The following KIF13B variants were observed in gnomAD, a reference collection of about 807,000 sequenced individuals.
KIF13B encodes kinesin-like protein KIF13B.
A neutral mutation model predicts 222.0 loss-of-function variants in KIF13B; 127 were observed. The ratio of observed to expected loss-of-function variants is 0.57; its 90% CI spans 0.50 to 0.66. The LOEUF (loss-of-function observed/expected upper bound fraction) is 0.66. Ranked by LOEUF, KIF13B falls within the 30% of genes least tolerant of loss-of-function variation. The probability of loss-of-function intolerance (pLI) is 0.00; values close to 1 mark genes in which losing one functional copy is unlikely to be tolerated. For synonymous variants in KIF13B, 976 were observed against 919.0 expected, an observed-to-expected ratio of 1.06 and a Z score of -1.12; for missense variants, 2,173 against 2,379.0, an observed-to-expected ratio of 0.91 and a Z score of 1.80.
chr8:29,100,815 T>C (rs550321740), intron 35 of KIF13B, among the ~76,000 whole-genome samples: 1 of 152,288 alleles, frequency 6.6e-6, no homozygotes, highest in South Asian at 2.1e-4. Context: ...CTCTTGAAGA[T>C]GGATTGTGGA....
At chr8:29,125,250 A>G (rs1586812192) in intron 26 of KIF13B, among the ~76,000 whole-genome samples, 1 of 152,156 alleles carries the variant, frequency 6.6e-6, no homozygotes, top group South Asian at 2.1e-4. Context: ...CATCAACAGA[A>G]TAACAACCTA....
intron 37 of KIF13B, among the ~76,000 whole-genome samples, chr8:29,085,402 A>C (rs1195229631): frequency 6.6e-6 from 1 of 152,238 alleles, no homozygotes; most frequent in African/African-American, 2.4e-5. Flanking sequence ...AACATAACAA[A>C]ATATAAGGAA....
At position 29,070,525 on chromosome 8, in the gene KIF13B, G is replaced by A; in HGVS notation, c.5460C>T (p.Asn1820=). Residue 1820 remains asparagine, a synonymous_variant, in exon 40 of 40, where the codon AAC becomes AAT. Coordinates refer to ENST00000524189, the MANE Select transcript of KIF13B (RefSeq NM_015254.4). This position sits in a 1 kb window ranked among gnomAD's most constrained non-coding sequence, Gnocchi z 4.1. The part of the protein sequence containing the change: ...KADRSHKNPE[N]RKSWAS ...CGGCTCAGCTGGCCCAGGATTTCCG[G>A]TTCTCAGGGTTCTTGTGGCTCCTGT... 6.2e-7 allele frequency: 1 copy of A among 1,610,752 alleles called. No individual in the cohort carries two copies. Among genetic ancestry groups the A allele is most frequent in the Non-Finnish European group, 8.5e-7 (1 of 1,178,896 alleles).
At chr8:29,158,046 C>T (rs1811616636) in intron 13 of KIF13B, among the ~76,000 whole-genome samples, 2 of 152,158 alleles carry the variant, frequency 1.3e-5, no homozygotes, top group Non-Finnish European at 2.9e-5. Context: ...TATTTCCATC[C>T]TACTGCCTTT....
At chr8:29,179,916 G>C (rs1812640447) in intron 8 of KIF13B, among the ~76,000 whole-genome samples, 188 bp downstream of exon 8, 1 of 152,090 alleles carries the variant, frequency 6.6e-6, no homozygotes, top group Non-Finnish European at 1.5e-5. Flanking sequence ...AACAACCCTG[G>C]AATGACCTGC....
At chr8:29,241,922 C>T (rs1483715776) in intron 2 of KIF13B, among the ~76,000 whole-genome samples, 2 of 152,062 alleles carry the variant, frequency 1.3e-5, no homozygotes, top group Non-Finnish European at 2.9e-5. Flanking sequence ...AAACTAGTCA[C>T]TAGCTTAAAC....
At chr8:29,230,630 T>C (rs552359110) in intron 2 of KIF13B, among the ~76,000 whole-genome samples, 140 of 152,058 alleles carry the variant, frequency 9.2e-4, no homozygotes, top group South Asian at 2.1e-3. Flanking sequence ...GGAGTGAGCA[T>C]GAGGAAGTGT....
chr8:29,080,557 C>A (rs1050200215), intron 37 of KIF13B, among the ~76,000 whole-genome samples: 2 of 152,194 alleles, frequency 1.3e-5, no homozygotes, highest in African/African-American at 4.8e-5. Flanking sequence ...AGGCTCCAGA[C>A]CCTGACAGGG....
chr8:29,143,727 T>A lies in KIF13B; in HGVS notation c.2188-1424A>T, dbSNP rs1810922736. Among the ~76,000 whole-genome samples, 3 of 151,922 alleles carry A rather than the reference T, an allele frequency of 2.0e-5. No homozygotes were observed. The South Asian group carries it at 6.2e-4, about 32-fold the overall frequency. ...CAGGCATGGTGGTGGGCGCCTGTAG[T>A]CCCAGCTATTCAGGAGGCTGAGGCA... On this transcript the variant is annotated intron_variant, in intron 18 of 39. Coordinates refer to ENST00000524189, the MANE Select transcript of KIF13B (RefSeq NM_015254.4).
intron 35 of KIF13B, among the ~76,000 whole-genome samples, chr8:29,105,678 A>G (rs1291979659): frequency 2.4e-4 from 1 of 4,084 alleles, no homozygotes; most frequent in Non-Finnish European, 6.5e-4. Context: ...TTTTTTTTTG[A>G]GACAGAGTCT....
intron 37 of KIF13B, among the ~76,000 whole-genome samples, chr8:29,076,433 C>T (rs911181140): frequency 5.3e-5 from 8 of 152,348 alleles, no homozygotes; most frequent in South Asian, 4.1e-4. Context: ...TTCTCCCAGC[C>T]CTCGGCAGTC....
chr8:29,107,773 G>A (rs1271616222), intron 35 of KIF13B, among the ~76,000 whole-genome samples: 2 of 151,990 alleles, frequency 1.3e-5, no homozygotes, highest in Non-Finnish European at 2.9e-5. Flanking sequence ...TGTTAGCCAG[G>A]ATGGTCTCGA....
intron 1 of KIF13B, among the ~76,000 whole-genome samples, chr8:29,260,751 G>A (rs1816650436): frequency 6.6e-6 from 1 of 152,014 alleles, no homozygotes; most frequent in South Asian, 2.1e-4. Context: ...TTAGTAGCTG[G>A]GATTACAGGC....
At chr8:29,140,663 A>G in intron 19 of KIF13B, 46 bp from the exon 20 acceptor site, 1 of 1,551,248 alleles carries the variant, frequency 6.4e-7, no homozygotes, top group Non-Finnish European at 8.8e-7. Flanking sequence ...ACCATTTACA[A>G]TAAATGCATT....
At chr8:29,144,426 T>C (rs904086157) in intron 18 of KIF13B, among the ~76,000 whole-genome samples, 4 of 152,046 alleles carry the variant, frequency 2.6e-5, no homozygotes, top group African/African-American at 9.7e-5. Flanking sequence ...CCTGGCTGAT[T>C]TTTGTATTTT....
chr8:29,156,607 G>C (rs575652425), intron 13 of KIF13B, among the ~76,000 whole-genome samples: 158 of 151,662 alleles, frequency 1.0e-3, no homozygotes, highest in Non-Finnish European at 2.0e-3. Flanking sequence ...TCACCTTCTT[G>C]GGCTCAAGCA....
intron 2 of KIF13B, among the ~76,000 whole-genome samples, chr8:29,206,141 G>A (rs1367330574): frequency 6.6e-6 from 1 of 151,892 alleles, no homozygotes; most frequent in Non-Finnish European, 1.5e-5. Context: ...AAGAGGCTGG[G>A]GATAGGGGCA....
chr8:29,140,066 G>A lies in KIF13B; in HGVS notation c.2610C>T (p.Cys870=), dbSNP rs1356605962. The A allele has an allele frequency of 1.3e-6, 2 of 1,583,514 alleles. No individual in the cohort carries two copies. Among genetic ancestry groups the A allele is most frequent in the South Asian group, 1.1e-5 (1 of 86,984 alleles). ...CTAGGATGAAGCTGGGACTTACCAT[G>A]CACACCAGTTTGTTCTCCTGGGTCT... is the stretch of plus-strand genomic sequence containing the variant. The part of the protein sequence containing the change: ...EKETQENKLV[C]MVKILQATGL... Residue 870 remains cysteine, a synonymous_variant, in exon 21 of 40, where the codon TGC becomes TGT. Transcript: ENST00000524189.
chr8:29,190,675 GC>G (rs932903383), intron 4 of KIF13B: 10 of 290,518 alleles, frequency 3.4e-5, no homozygotes, highest in Admixed American at 2.4e-4. Flanking sequence ...AGTTCTAGAG[GC>G]CTGGACCTGC....
Sources: allele counts gnomAD v4.1 joint callset (sites outside exome capture counted in the v4.1 genomes callset), GRCh38; gene constraint gnomAD v4.1.1; non-coding constraint Gnocchi (gnomAD v3.1); transcripts MANE v1.5; gene names NCBI Gene and HGNC (gene_info 2026-07-23, HGNC 2026-07-21).